Variants in AGTPBP1 observed in about 807,000 individuals in gnomAD.
AGTPBP1 encodes the protein ATP/GTP binding carboxypeptidase 1.
In AGTPBP1, 70 loss-of-function variants were observed where a neutral mutation model predicts 143.9. The ratio of observed to expected loss-of-function variants is 0.49; its 90% CI spans 0.40 to 0.59. The LOEUF (loss-of-function observed/expected upper bound fraction) is 0.59. AGTPBP1 is among the 20% of genes least tolerant of loss of function. The pLI is 0.00. For missense variants in AGTPBP1, 1,229 were observed against 1,464.5 expected (o/e 0.84, Z 2.62); for synonymous variants, 463 against 500.2 (o/e 0.93, Z 0.99).
At chr9:85,600,411 G>A (rs956814518) in intron 17 of AGTPBP1, among the ~76,000 whole-genome samples, 5 of 152,104 alleles carry the variant, frequency 3.3e-5, no homozygotes, top group South Asian at 2.1e-4. Flanking sequence ...TGGCACTTAC[G>A]TCCTCCACAA....
chr9:85,622,311 T>C (rs1050012155), intron 14 of AGTPBP1, among the ~76,000 whole-genome samples: 2 of 152,288 alleles, frequency 1.3e-5, no homozygotes, highest in South Asian at 4.1e-4. Context: ...ACACTGACAG[T>C]CTTAAACTTC....
In AGTPBP1 at chr9:85,601,982, T is replaced by C. The variant is rs546107950; in HGVS notation, c.2336-5533A>G. Among the ~76,000 whole-genome samples, 4 of 152,074 alleles carry C rather than the reference T, an allele frequency of 2.6e-5. No individual in the cohort carries two copies. The East Asian group carries it at 5.8e-4, about 22-fold the overall frequency. On this transcript the variant is annotated intron_variant, in intron 17 of 25. Coordinates refer to ENST00000357081, the MANE Select transcript of AGTPBP1 (RefSeq NM_001330701.2). Reference sequence around the variant, plus strand: ...GCCCTATCCAGCCAGTATCATAGACTTGCCTTCAGAAAAAAGTCCTCCCCA... The same window carrying C: ...GCCCTATCCAGCCAGTATCATAGACCTGCCTTCAGAAAAAAGTCCTCCCCA...
At chr9:85,709,420 T>C (rs189554086) in intron 2 of AGTPBP1, among the ~76,000 whole-genome samples, 111 of 152,280 alleles carry the variant, frequency 7.3e-4, no homozygotes, top group Non-Finnish European at 9.1e-4. Context: ...GATAAGGATA[T>C]CCACTGTCAC....
intron 7 of AGTPBP1, among the ~76,000 whole-genome samples, chr9:85,670,562 T>C (rs532667584): frequency 6.5e-4 from 99 of 152,308 alleles, no homozygotes; most frequent in African/African-American, 2.4e-3. Flanking sequence ...TCTGAACAGA[T>C]GTTATTAAAT....
chr9:85,698,155 C>A (rs1836394162), intron 2 of AGTPBP1, among the ~76,000 whole-genome samples: 2 of 151,804 alleles, frequency 1.3e-5, no homozygotes, highest in Admixed American at 1.3e-4. Flanking sequence ...CACAAACATA[C>A]AAAACACAGT....
intron 23 of AGTPBP1, among the ~76,000 whole-genome samples, chr9:85,580,250 A>G (rs1402737482): frequency 1.3e-5 from 2 of 151,980 alleles, no homozygotes; most frequent in Non-Finnish European, 2.9e-5. Flanking sequence ...AAAAAAAAAA[A>G]AAGAACTCTC....
chr9:85,742,041 G>T (rs1213158426), upstream of AGTPBP1: 9 of 1,188,392 alleles, frequency 7.6e-6, no homozygotes. Context: ...GAGTGGGGGC[G>T]GGGCGTGCGA....
At chr9:85,660,782 C>A (rs114258451) in intron 9 of AGTPBP1, among the ~76,000 whole-genome samples, 154 bp downstream of exon 9, 1,559 of 152,136 alleles carry the variant, frequency 0.01, 36 homozygotes, top group African/African-American at 0.035. Flanking sequence ...TGATGCACAT[C>A]AACTACACTA....
intron 3 of AGTPBP1, among the ~76,000 whole-genome samples, chr9:85,684,921 AAC>A (rs1835399296): frequency 6.6e-6 from 1 of 152,078 alleles, no homozygotes; most frequent in Non-Finnish European, 1.5e-5. Context: ...AAGATGGGAA[AAC>A]ACAGCAGAGA....
the AGTPBP1 span, among the ~76,000 whole-genome samples, chr9:85,783,120 A>T: frequency 6.6e-6 from 1 of 152,188 alleles, no homozygotes; most frequent in Non-Finnish European, 1.5e-5. Context: ...AGAACTCTGG[A>T]TCTTCATCCT....
intron 6 of AGTPBP1, 70 bp downstream of exon 6, chr9:85,677,363 AGTT>A: frequency 7.5e-7 from 1 of 1,330,980 alleles, no homozygotes; most frequent in East Asian, 2.4e-5. Context: ...AAAACTGAGT[AGTT>A]ACAAGGTGAG....
upstream of AGTPBP1, among the ~76,000 whole-genome samples, chr9:85,744,719 C>A (rs879820776): frequency 6.6e-6 from 1 of 152,180 alleles, no homozygotes; most frequent in Non-Finnish European, 1.5e-5. Flanking sequence ...AGTGTGCACG[C>A]GGGCCCTTAG....
chr9:85,681,386 G>A (rs1416986657), intron 3 of AGTPBP1, 51 bp from the exon 4 acceptor site: 1 of 1,499,182 alleles, frequency 6.7e-7, no homozygotes, highest in African/African-American at 1.4e-5. Context: ...TTAAAAGTAT[G>A]TATAGTTTTG....
intron 17 of AGTPBP1, among the ~76,000 whole-genome samples, chr9:85,603,126 G>C (rs2133347398): frequency 6.6e-6 from 1 of 152,232 alleles, no homozygotes; most frequent in South Asian, 2.1e-4. Flanking sequence ...TGCTATGCTG[G>C]GCTCAGAGCC....
chr9:85,556,340 G>T (rs537791937), intron 25 of AGTPBP1, among the ~76,000 whole-genome samples: 5 of 151,770 alleles, frequency 3.3e-5, no homozygotes, highest in Non-Finnish European at 7.4e-5. Context: ...TAAAAGAACA[G>T]CAAAAGAGAA....
chr9:85,561,978 C>T (rs1417093984), intron 25 of AGTPBP1, among the ~76,000 whole-genome samples: 1 of 151,786 alleles, frequency 6.6e-6, no homozygotes, highest in African/African-American at 2.4e-5. Context: ...ATTACAGGCA[C>T]CTGCCACCAC....
intron 1 of AGTPBP1, among the ~76,000 whole-genome samples, chr9:85,731,588 C>T (rs929103619): frequency 1.3e-5 from 2 of 152,054 alleles, no homozygotes; most frequent in Non-Finnish European, 2.9e-5. Context: ...GCTGGGACCA[C>T]AGGTGCACAC....
At position 85,585,788 on chromosome 9, in the gene AGTPBP1, A is replaced by G. The variant is rs374020556; in HGVS notation, c.3034-194T>C. ...TGGGAAAGGATCTATAATTAATTCTAGAATTGCCAAATCCTTTCAAGGTCC... is the reference window on the plus strand; with the variant it reads ...TGGGAAAGGATCTATAATTAATTCTGGAATTGCCAAATCCTTTCAAGGTCC... On this transcript the variant is annotated intron_variant, in intron 22 of 25. Transcript: ENST00000357081. 5.2e-4 allele frequency among the ~76,000 whole-genome samples: 79 copies of G among 152,350 alleles called. 2 individuals carry two copies. The South Asian group carries it at 0.016, about 31-fold the overall frequency.
At chr9:85,741,969 C>T (rs1824345748), upstream of AGTPBP1, 2 of 1,244,984 alleles carry the variant, frequency 1.6e-6, no homozygotes, top group Non-Finnish European at 2.0e-6. Context: ...GCATCCCGGG[C>T]AACGTCAGCG....
Sources: allele counts gnomAD v4.1 joint callset (sites outside exome capture counted in the v4.1 genomes callset), GRCh38; gene constraint gnomAD v4.1.1; transcripts MANE v1.5; gene names NCBI Gene and HGNC (gene_info 2026-07-23, HGNC 2026-07-21).